Variants in DNAJC5B observed in about 807,000 individuals in gnomAD.
DNAJC5B encodes DnaJ heat shock protein family (Hsp40) member C5 beta.
A neutral mutation model predicts 24.7 loss-of-function variants in DNAJC5B; 23 were observed. That is an observed-to-expected ratio of 0.93 (90% CI 0.67 to 1.32). DNAJC5B has a LOEUF of 1.32. Ranked by LOEUF, DNAJC5B falls within the 40% of genes most tolerant of loss-of-function variation. The probability of loss-of-function intolerance (pLI) is 0.00; values close to 1 mark genes in which losing one functional copy is unlikely to be tolerated. For missense variants in DNAJC5B, 238 were observed against 240.8 expected (o/e 0.99, Z 0.08); for synonymous variants, 101 against 90.1 (o/e 1.12, Z -0.68).
At position 66,053,667 on chromosome 8, in the gene DNAJC5B, T is replaced by A. The variant is rs2128960175; in HGVS notation, c.119+2001T>A. 2.0e-5 allele frequency among the ~76,000 whole-genome samples: 3 copies of A among 152,068 alleles called. No individual in the cohort carries two copies. In the South Asian group the frequency reaches 6.2e-4, roughly 32 times the overall value. The stretch of plus-strand genomic sequence containing the variant: ...TTTTTGAGATAGAGTTTCACTCTTG[T>A]TGCCCAGACTGGAGTGCAATGGCGC... On this transcript the variant is annotated intron_variant, in intron 3 of 5. Transcript: ENST00000276570.
At chr8:66,047,697 A>G (rs1241216740) in intron 2 of DNAJC5B, among the ~76,000 whole-genome samples, 1 of 152,174 alleles carries the variant, frequency 6.6e-6, no homozygotes, top group East Asian at 1.9e-4. Context: ...TAAGACTTTT[A>G]TGGAACATAG....
intron 3 of DNAJC5B, among the ~76,000 whole-genome samples, chr8:66,064,204 T>C (rs1049284977): frequency 3.3e-5 from 5 of 152,250 alleles, no homozygotes; most frequent in Admixed American, 3.3e-4. Context: ...TTAGGAAGAA[T>C]AAGAAAGTGA....
intron 3 of DNAJC5B, among the ~76,000 whole-genome samples, chr8:66,073,229 G>T (rs1179726631): frequency 6.6e-6 from 1 of 151,680 alleles, no homozygotes; most frequent in East Asian, 1.9e-4. Flanking sequence ...CATAAAAATA[G>T]AAAAAAATTA....
In DNAJC5B at chr8:66,072,441, T is replaced by A. The variant is rs1210730531; in HGVS notation, c.120-4219T>A. On this transcript the variant is annotated intron_variant, in intron 3 of 5. Transcript: ENST00000276570. ...AAAACTATAAAAACAAAGTACCCAATAAGAACAGAATATATACCCTTTTCA... is the reference window on the plus strand; with the variant it reads ...AAAACTATAAAAACAAAGTACCCAAAAAGAACAGAATATATACCCTTTTCA... Among the ~76,000 whole-genome samples the A allele has an allele frequency of 2.6e-5, 4 of 152,054 alleles. No homozygotes were observed. In the South Asian group the frequency reaches 8.3e-4, roughly 31 times the overall value.
intron 1 of DNAJC5B, among the ~76,000 whole-genome samples, chr8:66,028,294 A>G (rs2128955917): frequency 6.6e-6 from 1 of 152,284 alleles, no homozygotes; most frequent in Non-Finnish European, 1.5e-5. Context: ...CTGCGCTTTG[A>G]CAACTCATTC....
intron 3 of DNAJC5B, among the ~76,000 whole-genome samples, chr8:66,060,857 C>T (rs1384967621): frequency 1.3e-5 from 2 of 152,178 alleles, no homozygotes; most frequent in South Asian, 2.1e-4. Context: ...GGCCACTGTC[C>T]TAGGTAAAAT....
chr8:66,050,577 G>A (rs562431964), intron 2 of DNAJC5B, among the ~76,000 whole-genome samples: 5 of 152,274 alleles, frequency 3.3e-5, no homozygotes, highest in African/African-American at 1.2e-4. Flanking sequence ...TCTGGCTTGG[G>A]TCAGGTACTT....
At position 66,051,628 on chromosome 8, in the gene DNAJC5B, T is replaced by C. The variant is rs1806847383; in HGVS notation, c.81T>C (p.His27=). Residue 27 remains histidine, a synonymous_variant, in exon 3 of 6, where the codon CAT becomes CAC. Coordinates refer to ENST00000276570, the MANE Select transcript of DNAJC5B (RefSeq NM_033105.6). ...CTCTATACGAAATTCTTGGTCTGCA[T>C]AAGGGAGCATCAAATGAAGAAATTA... is the stretch of plus-strand genomic sequence containing the variant. The part of the protein sequence containing the change: ...GEALYEILGL[H]KGASNEEIKK... 2 of 1,613,302 alleles carry C rather than the reference T, an allele frequency of 1.2e-6. No individual in the cohort carries two copies. The highest frequency in any genetic ancestry group is 1.1e-5 in the South Asian group (1 of 90,844).
chr8:66,054,774 C>A (rs112354253), intron 3 of DNAJC5B, among the ~76,000 whole-genome samples: 85 of 152,274 alleles, frequency 5.6e-4, no homozygotes, highest in African/African-American at 2.0e-3. Flanking sequence ...TTGCCCTAGA[C>A]CTATCCAGAG....
chr8:66,021,166 A>G (rs1268737142), upstream of DNAJC5B, among the ~76,000 whole-genome samples: 1 of 151,994 alleles, frequency 6.6e-6, no homozygotes, highest in East Asian at 1.9e-4. Context: ...CATTATCCAA[A>G]TGGTCTCTTG....
intron 3 of DNAJC5B, among the ~76,000 whole-genome samples, chr8:66,053,091 C>T (rs774825607): frequency 4.6e-5 from 7 of 152,062 alleles, no homozygotes; most frequent in South Asian, 2.1e-4. Context: ...ACCACCATGC[C>T]TAACTAATTT....
chr8:66,079,179 G>C (rs1015978047), intron 4 of DNAJC5B, among the ~76,000 whole-genome samples: 1 of 152,148 alleles, frequency 6.6e-6, no homozygotes, highest in African/African-American at 2.4e-5. Flanking sequence ...TCCTGCTGCT[G>C]TTCACCAGGT....
At chr8:66,053,112 C>A (rs760193418) in intron 3 of DNAJC5B, among the ~76,000 whole-genome samples, 11 of 151,854 alleles carry the variant, frequency 7.2e-5, no homozygotes, top group Non-Finnish European at 1.5e-4. Context: ...TTTAAAATTA[C>A]TTTTTTAAAA....
chr8:66,100,279 C>T lies in DNAJC5B; in HGVS notation c.*248C>T, dbSNP rs1408835339. Reference sequence around the variant, plus strand: ...CTGAAGAGTTATTTTACCCTCCTTGCCTGATGTAGGACAGTGGAATTGTAC... The same window carrying T: ...CTGAAGAGTTATTTTACCCTCCTTGTCTGATGTAGGACAGTGGAATTGTAC... On this transcript the variant is annotated 3_prime_UTR_variant, in exon 6 of 6. Coordinates refer to ENST00000276570, the MANE Select transcript of DNAJC5B (RefSeq NM_033105.6). 5.0e-6 allele frequency: 2 copies of T among 398,346 alleles called. No homozygotes were observed. Among genetic ancestry groups the T allele is most frequent in the African/African-American group, 2.0e-5 (1 of 49,796 alleles). 24.7% of individuals were successfully genotyped at this position (398,346 alleles called of 1,614,324 possible). A position where few individuals can be genotyped will look rare whatever the true frequency, so the allele number is the denominator to read the frequency against.
chr8:66,064,676 G>C (rs1807152005), intron 3 of DNAJC5B, among the ~76,000 whole-genome samples: 1 of 152,202 alleles, frequency 6.6e-6, no homozygotes, highest in South Asian at 2.1e-4. Context: ...GCAGCCTACA[G>C]ATTCTGAGTG....
At position 66,076,799 on chromosome 8, in the gene DNAJC5B, G is replaced by A; in HGVS notation, c.259G>A (p.Gly87Arg). 1.9e-6 allele frequency: 3 copies of A among 1,614,090 alleles called. No homozygotes were observed. The highest frequency in any genetic ancestry group is 2.5e-6 in the Non-Finnish European group (3 of 1,180,022). The change falls in exon 4 of 6, where the codon GGA becomes AGA. Residue 87 changes from glycine to arginine, a missense_variant. By Grantham distance (125) the Gly-to-Arg change is moderately radical. Transcript: ENST00000276570. ...RSIYDKYGSLGLYVAEQFGDE... is the reference protein window; with the variant it reads ...RSIYDKYGSLRLYVAEQFGDE... The stretch of plus-strand genomic sequence containing the variant: ...CATATACGACAAGTACGGATCGCTG[G>A]GACTCTACGTGGCCGAGCAGTTTGG...
At chr8:66,034,763 A>G (rs1417104032) in intron 1 of DNAJC5B, among the ~76,000 whole-genome samples, 1 of 152,066 alleles carries the variant, frequency 6.6e-6, no homozygotes, top group Non-Finnish European at 1.5e-5. Context: ...GAGATGGGAA[A>G]TCTGTGAGTG....
intron 1 of DNAJC5B, among the ~76,000 whole-genome samples, chr8:66,042,691 C>G (rs1806639571): frequency 8.0e-6 from 1 of 125,388 alleles, no homozygotes. Flanking sequence ...CTTCCCTCCT[C>G]TCTCCCCCTC....
upstream of DNAJC5B, among the ~76,000 whole-genome samples, chr8:66,016,659 T>A (rs1434357017): frequency 1.3e-5 from 2 of 152,208 alleles, no homozygotes; most frequent in Non-Finnish European, 2.9e-5. Flanking sequence ...ACAATGAAGA[T>A]TAAGTTTCAA....
Sources: gnomAD v4.1 joint callset for allele counts (sites outside exome capture counted in the v4.1 genomes callset) on GRCh38, gnomAD v4.1.1 for gene constraint, MANE v1.5 for transcripts, NCBI Gene and HGNC (gene_info 2026-07-23, HGNC 2026-07-21) for gene names.